The following ZNF804B variants were observed in gnomAD, a reference collection of about 807,000 sequenced individuals.
ZNF804B encodes the protein zinc finger protein 804B.
Under a neutral mutation model 101.4 loss-of-function variants are expected in ZNF804B, and 80 were observed. The ratio of observed to expected loss-of-function variants is 0.79; its 90% CI spans 0.66 to 0.95. The LOEUF (loss-of-function observed/expected upper bound fraction) is 0.95. Among genes scored for constraint, ZNF804B ranks in the 40% least tolerant of loss-of-function variants. The pLI is 0.00. For missense variants in ZNF804B, 1,673 were observed against 1,561.9 expected, an observed-to-expected ratio of 1.07 and a Z score of -1.20; for synonymous variants, 622 against 558.8, an observed-to-expected ratio of 1.11 and a Z score of -1.59.
chr7:88,787,299 T>C (rs1269463008), intron 1 of ZNF804B, among the ~76,000 whole-genome samples: 2 of 152,138 alleles, frequency 1.3e-5, no homozygotes, highest in South Asian at 2.1e-4. Context: ...ATGGAATCCA[T>C]TGAATAATTT....
intron 1 of ZNF804B, among the ~76,000 whole-genome samples, chr7:88,998,779 C>T (rs547860972): frequency 9.9e-5 from 15 of 152,000 alleles, no homozygotes; most frequent in East Asian, 3.9e-4. Flanking sequence ...TCTTACAATA[C>T]GGGATAATTG....
chr7:88,859,951 T>C (rs2115853613), intron 1 of ZNF804B, among the ~76,000 whole-genome samples: 1 of 151,922 alleles, frequency 6.6e-6, no homozygotes, highest in East Asian at 1.9e-4. Context: ...TGTGTAAATT[T>C]CTCTATTGAG....
At chr7:88,848,639 T>TA (rs1303947909) in intron 1 of ZNF804B, among the ~76,000 whole-genome samples, 42 of 148,646 alleles carry the variant, frequency 2.8e-4, no homozygotes, top group African/African-American at 7.2e-4. Flanking sequence ...TTTTTTTTTT[T>TA]AAAAAACGTG....
At chr7:88,955,032 G>A (rs532303111) in intron 1 of ZNF804B, among the ~76,000 whole-genome samples, 2 of 150,790 alleles carry the variant, frequency 1.3e-5, no homozygotes, top group African/African-American at 2.4e-5. Context: ...TGGCTGAGGC[G>A]GGAGGATCTC....
chr7:88,936,345 C>A (rs1304724373), intron 1 of ZNF804B, among the ~76,000 whole-genome samples: 1 of 151,974 alleles, frequency 6.6e-6, no homozygotes, highest in Non-Finnish European at 1.5e-5. Context: ...AACAGAGTCA[C>A]CCTGCCAAAT....
chr7:88,853,108 GT>G lies in ZNF804B; in HGVS notation c.108+93029del, dbSNP rs532973855. Among the ~76,000 whole-genome samples the G allele has an allele frequency of 3.2e-3, 490 of 152,170 alleles. 3 individuals are homozygous for G. Among genetic ancestry groups the G allele is most frequent in the African/African-American group, 0.012 (480 of 41,532 alleles). On this transcript the variant is annotated intron_variant, in intron 1 of 3. Coordinates refer to ENST00000333190, the MANE Select transcript of ZNF804B (RefSeq NM_181646.5). ...ATTAGATAGGTATTTGCACATGTGTGTTTTTATCCATATTCTGTGAATTGGT... is the reference window on the plus strand; with the variant it reads ...ATTAGATAGGTATTTGCACATGTGTGTTTTATCCATATTCTGTGAATTGGT...
chr7:89,062,775 A>T (rs1789399075), intron 1 of ZNF804B, among the ~76,000 whole-genome samples: 1 of 152,136 alleles, frequency 6.6e-6, no homozygotes, highest in Non-Finnish European at 1.5e-5. Flanking sequence ...AGGCGAGTAT[A>T]ATCAATTCAA....
chr7:88,794,308 T>C (rs561576701), intron 1 of ZNF804B: 1 of 1,613,864 alleles, frequency 6.2e-7, no homozygotes, highest in East Asian at 2.2e-5. Context: ...CTTTATGATT[T>C]GTTCTGGGAG....
At chr7:88,874,002 G>T (rs1455015768) in intron 1 of ZNF804B, among the ~76,000 whole-genome samples, 4 of 152,042 alleles carry the variant, frequency 2.6e-5, no homozygotes, top group African/African-American at 9.7e-5. Flanking sequence ...TCCAGTTCTG[G>T]GAAGAAAGTC....
intron 1 of ZNF804B, among the ~76,000 whole-genome samples, chr7:88,929,399 CA>C (rs1562834827): frequency 1.3e-5 from 2 of 151,610 alleles, no homozygotes. Context: ...ACACACTTAC[CA>C]GTACAATTTG....
At chr7:89,089,600 C>T (rs1333374801) in intron 1 of ZNF804B, among the ~76,000 whole-genome samples, 1 of 151,702 alleles carries the variant, frequency 6.6e-6, no homozygotes. Context: ...CACACACATA[C>T]CCAAACACAC....
chr7:88,974,054 G>A (rs74814566), intron 1 of ZNF804B, among the ~76,000 whole-genome samples: 2,483 of 151,296 alleles, frequency 0.016, 69 homozygotes, highest in African/African-American at 0.057. Context: ...ATAATCCAAA[G>A]TCATATGATA....
chr7:89,218,134 TTTA>T lies in ZNF804B; in HGVS notation c.109-19_109-17del. On this transcript the variant is annotated intron_variant, in intron 1 of 3. Transcript: ENST00000333190. ...CTATTAGAGAGAAGTCTAACCAACA[TTTA>T]TGTATTTTTTCTTAAAGGATTTTGC... The T allele has an allele frequency of 1.3e-6, 2 of 1,545,158 alleles. No individual in the cohort carries two copies. The highest frequency in any genetic ancestry group is 1.8e-6 in the Non-Finnish European group (2 of 1,131,014).
intron 1 of ZNF804B, among the ~76,000 whole-genome samples, chr7:88,963,407 T>TATTG (rs1793414957): frequency 6.6e-6 from 1 of 151,276 alleles, no homozygotes; most frequent in Admixed American, 6.6e-5. Context: ...CCCAAACTTT[T>TATTG]CAGTGAGGAA....
chr7:88,863,624 A>G (rs1015607564), intron 1 of ZNF804B, among the ~76,000 whole-genome samples: 1 of 152,248 alleles, frequency 6.6e-6, no homozygotes, highest in Non-Finnish European at 1.5e-5. Flanking sequence ...GAAATAAAAC[A>G]AGGTGATTTG....
At chr7:89,109,680 T>G (rs571755238) in intron 1 of ZNF804B, among the ~76,000 whole-genome samples, 1 of 152,322 alleles carries the variant, frequency 6.6e-6, no homozygotes, top group African/African-American at 2.4e-5. Context: ...TTTACTCAAA[T>G]GCCTAATTAA....
At chr7:89,126,859 T>C (rs1790481986) in intron 1 of ZNF804B, among the ~76,000 whole-genome samples, 1 of 151,972 alleles carries the variant, frequency 6.6e-6, no homozygotes, top group Admixed American at 6.6e-5. Context: ...ACATGATAAA[T>C]AGATCTCACA....
intron 1 of ZNF804B, among the ~76,000 whole-genome samples, chr7:88,863,272 T>C (rs1011104565): frequency 1.3e-5 from 2 of 152,210 alleles, no homozygotes; most frequent in Non-Finnish European, 2.9e-5. Context: ...TATCCTGATG[T>C]CAGTCCAAAT....
chr7:88,861,841 G>T (rs988257351), intron 1 of ZNF804B, among the ~76,000 whole-genome samples: 4 of 152,182 alleles, frequency 2.6e-5, no homozygotes, highest in Non-Finnish European at 5.9e-5. Context: ...TGTTCCAGCA[G>T]CTATCATAAT....
Sources: gnomAD v4.1 joint callset for allele counts (sites outside exome capture counted in the v4.1 genomes callset) on GRCh38, gnomAD v4.1.1 for gene constraint, MANE v1.5 for transcripts, NCBI Gene and HGNC (gene_info 2026-07-23, HGNC 2026-07-21) for gene names.